CSMD1: variants seen among roughly 807,000 people sequenced by gnomAD.
CSMD1 encodes the protein CUB and sushi domain-containing protein 1.
Under a neutral mutation model 417.5 loss-of-function variants are expected in CSMD1, and 213 were observed. That is an observed-to-expected ratio of 0.51 (90% CI 0.46 to 0.57). CSMD1 has a LOEUF of 0.57. CSMD1 is among the 20% of genes least tolerant of loss of function. The pLI, the probability that CSMD1 is intolerant of heterozygous loss-of-function variation, is 0.00. For synonymous variants in CSMD1, 2,862 were observed against 1,736.8 expected, an observed-to-expected ratio of 1.65 and a Z score of -16.11; for missense variants, 6,923 against 4,529.7, an observed-to-expected ratio of 1.53 and a Z score of -15.17.
intron 1 of CSMD1, among the ~76,000 whole-genome samples, chr8:4,802,637 C>T (rs545768472): frequency 6.6e-6 from 1 of 152,264 alleles, no homozygotes; most frequent in African/African-American, 2.4e-5. Context: ...TGTTTCTAGG[C>T]ATGGATTTCC....
chr8:4,203,240 G>A (rs962577538), intron 3 of CSMD1, among the ~76,000 whole-genome samples: 2 of 152,146 alleles, frequency 1.3e-5, no homozygotes, highest in African/African-American at 2.4e-5. Context: ...CACAAGCTCA[G>A]GAATGTTGGC....
intron 1 of CSMD1, among the ~76,000 whole-genome samples, chr8:4,888,512 A>G (rs933331187): frequency 2.0e-5 from 3 of 152,030 alleles, no homozygotes; most frequent in Admixed American, 1.3e-4. Context: ...GATGAGAGAG[A>G]GAGAGAGAGA....
intron 3 of CSMD1, among the ~76,000 whole-genome samples, chr8:4,032,863 T>C (rs993296824): frequency 2.6e-4 from 39 of 152,058 alleles, no homozygotes; most frequent in Admixed American, 1.4e-3. Context: ...AAAGTTAATC[T>C]GAAAAACTAG....
chr8:4,753,941 T>G (rs1010624698), intron 1 of CSMD1, among the ~76,000 whole-genome samples: 6 of 152,198 alleles, frequency 3.9e-5, no homozygotes, highest in African/African-American at 1.4e-4. Context: ...ATGCTTTATG[T>G]GCTGCCAATT....
intron 16 of CSMD1, among the ~76,000 whole-genome samples, chr8:3,396,592 C>G (rs1482695967): frequency 1.3e-5 from 2 of 152,108 alleles, no homozygotes; most frequent in African/African-American, 4.8e-5. Context: ...TTTCTCTTAT[C>G]TAATATTCTG....
chr8:3,565,417 G>C (rs1213420691), intron 10 of CSMD1, among the ~76,000 whole-genome samples: 1 of 152,120 alleles, frequency 6.6e-6, no homozygotes, highest in African/African-American at 2.4e-5. Flanking sequence ...GGAAAGGGTG[G>C]TGTGTCTAAT....
At chr8:3,520,335 C>A (rs1473496007) in intron 10 of CSMD1, among the ~76,000 whole-genome samples, 1 of 152,082 alleles carries the variant, frequency 6.6e-6, no homozygotes. Context: ...GTGACATAAA[C>A]TGCAGAAGAA....
chr8:4,134,128 T>G (rs1803276125), intron 3 of CSMD1, among the ~76,000 whole-genome samples: 2 of 152,204 alleles, frequency 1.3e-5, no homozygotes. Context: ...TATCAAATTT[T>G]CTTTTATGAT....
chr8:4,144,599 G>C (rs756458532), intron 3 of CSMD1, among the ~76,000 whole-genome samples: 3 of 150,970 alleles, frequency 2.0e-5, no homozygotes, highest in Admixed American at 6.6e-5. Context: ...AGTCATAAAA[G>C]AGGTGAAGAC....
intron 33 of CSMD1, among the ~76,000 whole-genome samples, chr8:3,193,514 C>A (rs535327893): frequency 1.6e-4 from 25 of 152,120 alleles, no homozygotes; most frequent in Admixed American, 4.6e-4. Context: ...TCCTCCCCGC[C>A]CGTCCTCTGG....
intron 3 of CSMD1, among the ~76,000 whole-genome samples, chr8:4,156,811 C>A (rs1265689150): frequency 6.6e-6 from 1 of 152,110 alleles, no homozygotes; most frequent in Non-Finnish European, 1.5e-5. Flanking sequence ...ATCCCAGCAG[C>A]GAGCAGCAAG....
At chr8:4,471,264 T>C (rs1800513725) in intron 2 of CSMD1, among the ~76,000 whole-genome samples, 1 of 152,056 alleles carries the variant, frequency 6.6e-6, no homozygotes, top group South Asian at 2.1e-4. Context: ...CTTAAAAAAA[T>C]CAGGAACAAT....
chr8:3,470,319 G>C (rs551247654), intron 11 of CSMD1, among the ~76,000 whole-genome samples: 83 of 152,248 alleles, frequency 5.5e-4, no homozygotes, highest in Non-Finnish European at 9.4e-4. Flanking sequence ...AACACAAGTA[G>C]GGGATGATTA....
chr8:3,527,564 T>G (rs934161001), intron 10 of CSMD1, among the ~76,000 whole-genome samples: 1 of 152,048 alleles, frequency 6.6e-6, no homozygotes, highest in African/African-American at 2.4e-5. Flanking sequence ...TTGATACCTG[T>G]GATAAAATCG....
intron 1 of CSMD1, among the ~76,000 whole-genome samples, chr8:4,913,212 T>A (rs148997586): frequency 6.6e-6 from 1 of 152,198 alleles, no homozygotes; most frequent in African/African-American, 2.4e-5. Flanking sequence ...GTAGCGTTGC[T>A]GTTAGGTACA....
rs35587992 is a variant in CSMD1 at position 3,992,124 on chromosome 8, ATG to A, written c.818+5777_818+5778del. Among the ~76,000 whole-genome samples the A allele has an allele frequency of 5.9e-4, 89 of 150,390 alleles. No individual in the cohort carries two copies. The Middle Eastern group carries it at 0.017, about 29-fold the overall frequency. Reference sequence around the variant, plus strand: ...AAGAAAAGGAGAAATGTGTATATATATGTGTGTGTGTGTGTATGTACATATAT... The same window carrying A: ...AAGAAAAGGAGAAATGTGTATATATATGTGTGTGTGTGTATGTACATATAT... On this transcript the variant is annotated intron_variant, in intron 5 of 69. Coordinates refer to ENST00000635120, the MANE Select transcript of CSMD1 (RefSeq NM_033225.6).
intron 3 of CSMD1, among the ~76,000 whole-genome samples, chr8:4,325,426 C>A (rs903337253): frequency 6.6e-6 from 1 of 152,130 alleles, no homozygotes; most frequent in African/African-American, 2.4e-5. Context: ...TCTACAGAAG[C>A]CAGGCAATAC....
intron 12 of CSMD1, among the ~76,000 whole-genome samples, chr8:3,451,998 G>C (rs1427431692): frequency 6.6e-6 from 1 of 152,164 alleles, no homozygotes; most frequent in African/African-American, 2.4e-5. Context: ...TCATTGAGCA[G>C]TGGTTTGTAG....
At chr8:4,147,963 T>C (rs903405299) in intron 3 of CSMD1, among the ~76,000 whole-genome samples, 19 of 152,206 alleles carry the variant, frequency 1.2e-4, no homozygotes, top group African/African-American at 4.6e-4. Flanking sequence ...CCACAGAAGA[T>C]GCACCAAAGC....
Sources: gnomAD v4.1 joint callset for allele counts (sites outside exome capture counted in the v4.1 genomes callset) on GRCh38, gnomAD v4.1.1 for gene constraint, MANE v1.5 for transcripts, NCBI Gene and HGNC (gene_info 2026-07-23, HGNC 2026-07-21) for gene names.